The following SHQ1 variants were observed in gnomAD, a reference collection of about 807,000 sequenced individuals.
SHQ1 encodes the protein protein SHQ1 homolog.
SHQ1 carries 49 observed loss-of-function variants against 53.8 expected under a neutral mutation model. The observed-to-expected ratio is 0.91, with a 90% CI of 0.72 to 1.16. The LOEUF (loss-of-function observed/expected upper bound fraction) is 1.16. SHQ1 is among the 50% of genes most tolerant of loss of function. The probability of loss-of-function intolerance (pLI) is 0.00; values close to 1 mark genes in which losing one functional copy is unlikely to be tolerated. For synonymous variants in SHQ1, 243 were observed against 251.0 expected, an observed-to-expected ratio of 0.97 and a Z score of 0.30; for missense variants, 738 against 683.1, an observed-to-expected ratio of 1.08 and a Z score of -0.90.
At chr3:72,732,260 G>A in the SHQ1 span, among the ~76,000 whole-genome samples, 19 of 151,226 alleles carry the variant, frequency 1.3e-4, no homozygotes, top group African/African-American at 4.6e-4. Context: ...GGAGATGCCA[G>A]CAGTGCCGGC....
intron 4 of SHQ1, among the ~76,000 whole-genome samples, chr3:72,837,972 T>C (rs1708052034): frequency 6.6e-6 from 1 of 152,348 alleles, no homozygotes; most frequent in Admixed American, 6.5e-5. Flanking sequence ...CTAAGTCTGG[T>C]TGCTGCACAC....
At chr3:72,800,149 C>T (rs144836199) in intron 9 of SHQ1, among the ~76,000 whole-genome samples, 1 of 152,288 alleles carries the variant, frequency 6.6e-6, no homozygotes, top group East Asian at 1.9e-4. Context: ...AGTTCAACCT[C>T]TTGCCTGCCT....
At chr3:72,759,973 A>G (rs924537200) in intron 10 of SHQ1, among the ~76,000 whole-genome samples, 6 of 152,330 alleles carry the variant, frequency 3.9e-5, no homozygotes, top group Admixed American at 1.3e-4. Context: ...CAAGGGTATC[A>G]TCAGTTTCCT....
intron 8 of SHQ1, among the ~76,000 whole-genome samples, chr3:72,814,137 A>C (rs1176058792): frequency 1.3e-5 from 2 of 152,218 alleles, no homozygotes; most frequent in African/African-American, 4.8e-5. Context: ...GATTAAGAAC[A>C]CTTAGTATTT....
At chr3:72,770,360 T>C (rs1705821695) in intron 10 of SHQ1, among the ~76,000 whole-genome samples, 1 of 152,200 alleles carries the variant, frequency 6.6e-6, no homozygotes, top group Admixed American at 6.5e-5. Flanking sequence ...TAATACTCTA[T>C]GGCCTCACTA....
At chr3:72,740,641 CTAATGCTCAGGCG>C in the SHQ1 span, among the ~76,000 whole-genome samples, 11 of 152,206 alleles carry the variant, frequency 7.2e-5, no homozygotes, top group Non-Finnish European at 1.6e-4. Flanking sequence ...CAGCACAGGC[CTAATGCTCAGGCG>C]TTATGGAGCC....
chr3:72,784,848 G>A (rs1035013397), intron 10 of SHQ1, among the ~76,000 whole-genome samples: 1 of 152,172 alleles, frequency 6.6e-6, no homozygotes, highest in Non-Finnish European at 1.5e-5. Flanking sequence ...GACTTGGGGG[G>A]TGGTAGGTGT....
chr3:72,762,677 TC>T (rs1201018319), intron 10 of SHQ1, among the ~76,000 whole-genome samples: 1 of 151,836 alleles, frequency 6.6e-6, no homozygotes, highest in African/African-American at 2.4e-5. Context: ...CCTTCTTGCC[TC>T]CAGTTTTTTT....
chr3:72,776,268 T>C lies in SHQ1; in HGVS notation c.1181+16648A>G, dbSNP rs185649586. Reference sequence around the variant, plus strand: ...GTGGTCAATGATGAACTACATATGGTGGTCCCATAAGAGTATAATACTCTG... The same window carrying C: ...GTGGTCAATGATGAACTACATATGGCGGTCCCATAAGAGTATAATACTCTG... On this transcript the variant is annotated intron_variant, in intron 10 of 10. Transcript: ENST00000325599. 1.1e-4 allele frequency among the ~76,000 whole-genome samples: 16 copies of C among 152,352 alleles called. No homozygotes were observed. In the East Asian group the frequency reaches 1.9e-3, roughly 18 times the overall value.
At chr3:72,845,761 G>A (rs2106981575) in intron 1 of SHQ1, among the ~76,000 whole-genome samples, 1 of 152,104 alleles carries the variant, frequency 6.6e-6, no homozygotes, top group East Asian at 1.9e-4. Flanking sequence ...TACTAAATAT[G>A]ATTAAAAACA....
chr3:72,732,662 G>A, the SHQ1 span, among the ~76,000 whole-genome samples: 1 of 151,572 alleles, frequency 6.6e-6, no homozygotes, highest in Non-Finnish European at 1.5e-5. Context: ...GACTTGTATT[G>A]TCTTTAGTAG....
At chr3:72,765,824 A>G (rs1440287431) in intron 10 of SHQ1, among the ~76,000 whole-genome samples, 1 of 152,080 alleles carries the variant, frequency 6.6e-6, no homozygotes, top group Non-Finnish European at 1.5e-5. Flanking sequence ...AAGTTCTAGG[A>G]TTACAGGCAT....
In SHQ1 at chr3:72,811,169, A is replaced by C. The variant is rs183790276; in HGVS notation, c.1060+1502T>G. ...TAAAAAGTAACAAGCAATAGTCTGT[A>C]TATGTGAGTGAGAGTGAGAGTGTGT... is the stretch of plus-strand genomic sequence containing the variant. On this transcript the variant is annotated intron_variant, in intron 9 of 10. Coordinates refer to ENST00000325599, the MANE Select transcript of SHQ1 (RefSeq NM_018130.3). Among the ~76,000 whole-genome samples, 13 of 152,212 alleles carry C rather than the reference A, an allele frequency of 8.5e-5. No homozygotes were observed. The East Asian group carries it at 2.2e-3, about 25-fold the overall frequency.
At chr3:72,822,411 C>T (rs1707504243) in intron 6 of SHQ1, among the ~76,000 whole-genome samples, 1 of 152,224 alleles carries the variant, frequency 6.6e-6, no homozygotes, top group Admixed American at 6.5e-5. Flanking sequence ...GGCTTGATCT[C>T]CTGCTAAAAT....
chr3:72,835,458 A>C (rs1707964442), intron 4 of SHQ1, among the ~76,000 whole-genome samples: 1 of 152,156 alleles, frequency 6.6e-6, no homozygotes, highest in Non-Finnish European at 1.5e-5. Flanking sequence ...TGCTAATAGC[A>C]ATTTTAAAAC....
chr3:72,753,385 G>T, intron 10 of SHQ1: 1 of 985,402 alleles, frequency 1.0e-6, no homozygotes, highest in Non-Finnish European at 1.2e-6. Context: ...AACAAAGATG[G>T]TATTTTAATC....
At position 72,790,681 on chromosome 3, in the gene SHQ1, A is replaced by G. The variant is rs190383922; in HGVS notation, c.1181+2235T>C. On this transcript the variant is annotated intron_variant, in intron 10 of 10. Coordinates refer to ENST00000325599, the MANE Select transcript of SHQ1 (RefSeq NM_018130.3). Reference sequence around the variant, plus strand: ...TGTTGTGCTTGTAAAATTAAGAATAAAACTAGAAATTTTTATAAAAATTAG... The same window carrying G: ...TGTTGTGCTTGTAAAATTAAGAATAGAACTAGAAATTTTTATAAAAATTAG... 5.5e-3 allele frequency among the ~76,000 whole-genome samples: 844 copies of G among 152,278 alleles called. 8 individuals are homozygous for G. The highest frequency in any genetic ancestry group is 0.018 in the African/African-American group (752 of 41,576).
At chr3:72,793,155 CA>C in intron 9 of SHQ1, 119 bp from the exon 10 acceptor site, 7 of 931,012 alleles carry the variant, frequency 7.5e-6, no homozygotes, top group Admixed American at 2.9e-5. Flanking sequence ...TTTTTAAATG[CA>C]AAAAAATTTA....
the SHQ1 span, among the ~76,000 whole-genome samples, chr3:72,727,678 C>A: frequency 2.0e-5 from 3 of 152,106 alleles, no homozygotes; most frequent in Non-Finnish European, 4.4e-5. Context: ...CAGGTGGATG[C>A]CTAAATTCAT....
Sources: gnomAD v4.1 joint callset for allele counts (sites outside exome capture counted in the v4.1 genomes callset) on GRCh38, gnomAD v4.1.1 for gene constraint, MANE v1.5 for transcripts, NCBI Gene and HGNC (gene_info 2026-07-23, HGNC 2026-07-21) for gene names.